Variants in TUBGCP6 observed in about 807,000 individuals in gnomAD.
The protein encoded by TUBGCP6 is gamma-tubulin complex component 6.
A neutral mutation model predicts 175.8 loss-of-function variants in TUBGCP6; 161 were observed. The ratio of observed to expected loss-of-function variants is 0.92; its 90% CI spans 0.81 to 1.04. The LOEUF (loss-of-function observed/expected upper bound fraction) is 1.04, where lower values mean the gene tolerates loss of function less well. Among genes scored for constraint, TUBGCP6 ranks in the 50% least tolerant of loss-of-function variants. TUBGCP6 has a pLI of 0.00. For missense variants in TUBGCP6, 2,572 were observed against 2,433.0 expected (o/e 1.06, Z -1.20); for synonymous variants, 1,173 against 1,030.5 (o/e 1.14, Z -2.65).
At chr22:50,228,304 C>T (rs185079222) in intron 4 of TUBGCP6, among the ~76,000 whole-genome samples, 39 of 140,466 alleles carry the variant, frequency 2.8e-4, no homozygotes, top group Non-Finnish European at 4.1e-4. Flanking sequence ...CCCTTCCTCT[C>T]ATCTGAGCCC....
At position 50,220,277 on chromosome 22, in the gene TUBGCP6, G is replaced by T. The variant is rs374905114; in HGVS notation, c.4082C>A (p.Pro1361Gln). 10 of 1,570,482 alleles carry T rather than the reference G, an allele frequency of 6.4e-6. No individual in the cohort carries two copies. The highest frequency in any genetic ancestry group is 8.7e-6 in the Non-Finnish European group (10 of 1,153,976). The change falls in exon 16 of 25, where the codon CCG (proline) becomes CAG (glutamine). Residue 1361 changes from proline to glutamine, a missense_variant. By Grantham distance (76) the Pro-to-Gln change is moderately conservative (BLOSUM62 -1). Coordinates refer to ENST00000248846, the MANE Select transcript of TUBGCP6 (RefSeq NM_020461.4). ...APTQPWWPNT[P>Q]GDSVSEELGP... is the part of the protein sequence containing the mutation. ...TAGTTCTTCAGAGACACTGTCTCCCGGGGTGTTGGGCCACCATGGTTGGGT... is the reference window on the plus strand; with the variant it reads ...TAGTTCTTCAGAGACACTGTCTCCCTGGGTGTTGGGCCACCATGGTTGGGT...
In TUBGCP6 at chr22:50,221,230, T is replaced by C. The variant is rs2064517517; in HGVS notation, c.3129A>G (p.Ile1043Met). 1 of 1,614,152 alleles carries C rather than the reference T, an allele frequency of 6.2e-7. No individual in the cohort carries two copies. The highest frequency in any genetic ancestry group is 8.5e-7 in the Non-Finnish European group (1 of 1,180,030). Reference protein sequence around the residue: ...GLPTGDYASEIAPTRPRWNTH... With the variant: ...GLPTGDYASEMAPTRPRWNTH... ...TGTTCCACCGTGGCCGGGTGGGAGC[T>C]ATTTCAGAAGCGTAGTCCCCTGTGG... Residue 1043 changes from isoleucine to methionine, a missense_variant, in exon 16 of 25, where the codon ATA (isoleucine) becomes ATG (methionine). Coordinates refer to ENST00000248846, the MANE Select transcript of TUBGCP6 (RefSeq NM_020461.4).
At chr22:50,236,579 C>T (rs1050043977) in intron 2 of TUBGCP6, among the ~76,000 whole-genome samples, 4 of 152,272 alleles carry the variant, frequency 2.6e-5, no homozygotes, top group African/African-American at 7.2e-5. Context: ...CTCACACCCC[C>T]GTCCTCCCTG....
rs1311916818 is a variant in TUBGCP6, at chr22:50,219,959, GTGAGT to G, written c.4160_4164del (p.Asn1387ThrfsTer14). 1.2e-6 allele frequency: 2 copies of G among 1,613,874 alleles called. No individual in the cohort carries two copies. The highest frequency in any genetic ancestry group is 1.7e-6 in the Non-Finnish European group (2 of 1,179,908). On this transcript the variant is annotated frameshift_variant, in exon 17 of 25. Transcript: ENST00000248846. LOFTEE classifies it high-confidence loss of function. ...CCCCCAGGCTGCATCCACCTAACCT[GTGAGT>G]TGAGAGGCCAATTTGGAGAGAGGTC... is the stretch of plus-strand genomic sequence containing the variant.
chr22:50,227,089 G>A lies in TUBGCP6; in HGVS notation c.1413-12C>T, dbSNP rs1196851697. 6.2e-7 allele frequency: 1 copy of A among 1,607,396 alleles called. No homozygotes were observed. The highest frequency in any genetic ancestry group is 8.5e-7 in the Non-Finnish European group (1 of 1,177,048). Reference sequence around the variant, plus strand: ...GCTCGGCCAGGTACCTAGACCCAGAGGCAGGATGAGACCAGGTGACCGGGC... The same window carrying A: ...GCTCGGCCAGGTACCTAGACCCAGAAGCAGGATGAGACCAGGTGACCGGGC... On this transcript the variant is annotated splice_polypyrimidine_tract_variant and intron_variant, in intron 5 of 24. Coordinates refer to ENST00000248846, the MANE Select transcript of TUBGCP6 (RefSeq NM_020461.4).
rs546728072 is a variant in TUBGCP6 at position 50,229,338 on chromosome 22, C to T, written c.1290+66G>A. The T allele has an allele frequency of 1.4e-5, 21 of 1,552,552 alleles. No homozygotes were observed. In the East Asian group the frequency reaches 4.3e-4, roughly 32 times the overall value. ...GTCCTGCAGAAGGACCTCTGAGATTCTCTCTTCCAGGTCGTGTGCACCGTT... is the reference window on the plus strand; with the variant it reads ...GTCCTGCAGAAGGACCTCTGAGATTTTCTCTTCCAGGTCGTGTGCACCGTT... On this transcript the variant is annotated intron_variant, in intron 4 of 24. Coordinates refer to ENST00000248846, the MANE Select transcript of TUBGCP6 (RefSeq NM_020461.4).
chr22:50,233,583 C>A, intron 2 of TUBGCP6, 57 bp from the exon 3 acceptor site: 2 of 1,509,908 alleles, frequency 1.3e-6, no homozygotes, highest in Non-Finnish European at 1.8e-6. Flanking sequence ...CACCTCAGCA[C>A]CAGGGTGCTT....
intron 13 of TUBGCP6, chr22:50,223,841 T>C (rs1376076379): frequency 1.8e-5 from 2 of 111,890 alleles, no homozygotes; most frequent in African/African-American, 5.3e-5. Context: ...GACTTAAAAA[T>C]AAATAAGGAA....
rs768237440 is a variant in TUBGCP6 at position 50,218,422 on chromosome 22, A to G, written c.4955-20T>C. ...GCAGGGCTGGCGGAGGGCAGAAGGC[A>G]GAGGGCAGAGGTGAGCGCAGCCTCC... On this transcript the variant is annotated intron_variant, in intron 22 of 24. Transcript: ENST00000248846. 1.9e-6 allele frequency: 3 copies of G among 1,612,438 alleles called. No individual in the cohort carries two copies. The East Asian group carries it at 6.7e-5, about 36-fold the overall frequency.
At position 50,224,522 on chromosome 22, in the gene TUBGCP6, C is replaced by G. The variant is rs373028238; in HGVS notation, c.2054G>C (p.Ser685Thr). The G allele has an allele frequency of 6.2e-7, 1 of 1,614,094 alleles. No homozygotes were observed. The highest frequency in any genetic ancestry group is 8.5e-7 in the Non-Finnish European group (1 of 1,180,050). ...HAREAASRVLSALSDRQMSER... is the reference protein window; with the variant it reads ...HAREAASRVLTALSDRQMSER... Reference sequence around the variant, plus strand: ...TTGGGGCCACTCACCACTCAGTGCACTCAGGACCCTGGATGCTGCTTCCCG... The same window carrying G: ...TTGGGGCCACTCACCACTCAGTGCAGTCAGGACCCTGGATGCTGCTTCCCG... The change falls in exon 11 of 25, where the codon AGT becomes ACT. Residue 685 changes from serine to threonine, a missense_variant. Physicochemically the swap from Ser to Thr is moderately conservative, Grantham distance 58. Coordinates refer to ENST00000248846, the MANE Select transcript of TUBGCP6 (RefSeq NM_020461.4).
chr22:50,241,129 T>C (rs561253268), intron 1 of TUBGCP6, among the ~76,000 whole-genome samples: 8 of 152,336 alleles, frequency 5.3e-5, no homozygotes, highest in African/African-American at 1.7e-4. Context: ...TTTGTAGCAA[T>C]TGCTCTTTAT....
In TUBGCP6 at chr22:50,220,891, T is replaced by C. The variant is rs561838405; in HGVS notation, c.3468A>G (p.Pro1156=). 2.0e-5 allele frequency: 32 copies of C among 1,612,960 alleles called. No individual in the cohort carries two copies. The South Asian group carries it at 3.5e-4, about 18-fold the overall frequency. Residue 1156 remains proline, a synonymous_variant, in exon 16 of 25, where the codon CCA becomes CCG. Transcript: ENST00000248846. ...ENVSDVAPTR[P]RWNTHGHVSD... is the part of the protein sequence containing the mutation. ...ACACGTGTCCATGGGTGTTCCACCG[T>C]GGCCGGGTGGGAGCCACGTCCGACA...
intron 3 of TUBGCP6, among the ~76,000 whole-genome samples, chr22:50,231,562 G>GA (rs1045694914): frequency 3.3e-5 from 5 of 151,798 alleles, no homozygotes; most frequent in African/African-American, 1.2e-4. Flanking sequence ...GAATAATTAA[G>GA]AAAAAAGATG....
Position 50,217,935 on chromosome 22 carries a change from G to A in TUBGCP6, c.5351C>T (p.Ser1784Phe), listed in dbSNP as rs770417171. The A allele has an allele frequency of 2.5e-6, 4 of 1,607,792 alleles. No homozygotes were observed. The highest frequency in any genetic ancestry group is 2.2e-5 in the East Asian group (1 of 44,714). The change falls in exon 24 of 25, where the codon TCC becomes TTC. Residue 1784 changes from serine to phenylalanine, a missense_variant. Transcript: ENST00000248846. ...QQSYNTFKYY[S>F]HFLFKVVTKL... ...GGCCTCACCTTTGAAGAGAAAGTGG[G>A]AGTAGTACTTGAAGGTGTTGTAGGA...
rs2147174552 is a variant in TUBGCP6, at chr22:50,219,474, CGCACGT to C, written c.4316-24_4316-19del. The C allele has an allele frequency of 2.5e-6, 4 of 1,590,364 alleles. No homozygotes were observed. Among genetic ancestry groups the C allele is most frequent in the Non-Finnish European group, 3.4e-6 (4 of 1,169,586 alleles). On this transcript the variant is annotated intron_variant, in intron 18 of 24. Transcript: ENST00000248846. The stretch of plus-strand genomic sequence containing the variant: ...CGGCTCGGCTGCGGGAGATGGAGCA[CGCACGT>C]GCTGGGAACCGGCCAGCCCAGGGCT...
intron 1 of TUBGCP6, among the ~76,000 whole-genome samples, chr22:50,241,882 A>C (rs1488973323): frequency 1.4e-5 from 2 of 145,206 alleles, no homozygotes; most frequent in African/African-American, 2.6e-5. Context: ...TTTTTCTTCT[A>C]TCTCTGTCTT....
At chr22:50,222,645 T>TA (rs931556443) in intron 13 of TUBGCP6, 53 bp from the exon 14 acceptor site, 2 of 1,595,032 alleles carry the variant, frequency 1.3e-6, no homozygotes, top group African/African-American at 2.7e-5. Context: ...CCACCCCATC[T>TA]ACCTGGCACC....
rs763909266 is a variant in TUBGCP6, at chr22:50,219,944, G to A, written c.4167+13C>T. The A allele has an allele frequency of 6.2e-7, 1 of 1,613,924 alleles. No homozygotes were observed. Among genetic ancestry groups the A allele is most frequent in the Non-Finnish European group, 8.5e-7 (1 of 1,179,894 alleles). On this transcript the variant is annotated intron_variant, in intron 17 of 24. Transcript: ENST00000248846. ...CTGCCTGCTGTGGGACCCCCAGGCT[G>A]CATCCACCTAACCTGTGAGTTGAGA...
rs367827463 is a variant in TUBGCP6 at position 50,219,967 on chromosome 22, A to G, written c.4157T>C (p.Leu1386Pro). The G allele has an allele frequency of 1.9e-6, 3 of 1,613,916 alleles. No homozygotes were observed. The highest frequency in any genetic ancestry group is 2.7e-5 in the African/African-American group (2 of 74,930). ...CTGCATCCACCTAACCTGTGAGTTG[A>G]GAGGCCAATTTGGAGAGAGGTCCTC... is the stretch of plus-strand genomic sequence containing the variant. ...DTEDLSPNWP[L>P]NSQEDTAAQS... The change falls in exon 17 of 25, where the codon CTC (leucine) becomes CCC (proline). Residue 1386 changes from leucine to proline, a missense_variant. Coordinates refer to ENST00000248846, the MANE Select transcript of TUBGCP6 (RefSeq NM_020461.4).
Sources: gnomAD v4.1 joint callset for allele counts (sites outside exome capture counted in the v4.1 genomes callset) on GRCh38, gnomAD v4.1.1 for gene constraint, MANE v1.5 for transcripts, NCBI Gene and HGNC (gene_info 2026-07-23, HGNC 2026-07-21) for gene names.